TBC1D9B: variants seen among roughly 807,000 people sequenced by gnomAD.
TBC1D9B encodes the protein TBC1 domain family member 9B, also known as TBC1 domain family, member 9B (with GRAM domain).
A neutral mutation model predicts 121.1 loss-of-function variants in TBC1D9B; 87 were observed. The observed-to-expected ratio is 0.72, with a 90% confidence interval of 0.60 to 0.86. The LOEUF is 0.86. Ranked by LOEUF, TBC1D9B falls within the 40% of genes least tolerant of loss-of-function variation. TBC1D9B has a pLI of 0.00. For synonymous variants in TBC1D9B, 668 were observed against 670.1 expected (o/e 1.00, Z 0.05); for missense variants, 1,540 against 1,628.6 (o/e 0.95, Z 0.94).
chr5:179,889,063 G>A (rs1760781367), intron 6 of TBC1D9B, among the ~76,000 whole-genome samples: 1 of 151,064 alleles, frequency 6.6e-6, no homozygotes, highest in African/African-American at 2.4e-5. Flanking sequence ...ACGGAGTCTC[G>A]CTGTCGCCCA....
chr5:179,881,940 C>A (rs1234945223), intron 7 of TBC1D9B, among the ~76,000 whole-genome samples: 2 of 143,748 alleles, frequency 1.4e-5, no homozygotes, highest in Non-Finnish European at 2.9e-5. Context: ...TTTCCATATA[C>A]CTTCCGTTTT....
chr5:179,863,190 T>A lies in TBC1D9B; in HGVS notation c.*258A>T. ...CAGGTGCAGCTGGTGCGAGGCGGGC[T>A]CCCACCAGGTGTAAGGAAGGTGGGA... On this transcript the variant is annotated 3_prime_UTR_variant, in exon 21 of 21. Transcript: ENST00000355235. This position sits in a 1 kb window ranked among gnomAD's most constrained non-coding sequence, Gnocchi z 4.5. 2.0e-6 allele frequency: 1 copy of A among 497,938 alleles called. No homozygotes were observed. Among genetic ancestry groups the A allele is most frequent in the South Asian group, 3.0e-5 (1 of 33,548 alleles). 30.8% of individuals were successfully genotyped at this position (497,938 alleles called of 1,614,324 possible).
In TBC1D9B at chr5:179,862,546, G is replaced by A. The variant is rs974127811; in HGVS notation, c.*902C>T. The A allele has an allele frequency of 8.8e-6, 4 of 456,328 alleles. No homozygotes were observed. The highest frequency in any genetic ancestry group is 1.8e-5 in the Non-Finnish European group (4 of 226,910). The allele number at this position is 456,328 out of a possible 1,614,324, so 28.3% of individuals were successfully genotyped here. ...GCATCCCCTGATGCAGGTTGGTCAG[G>A]ACCTGCCCAGCTTGCACCAGCAGGT... On this transcript the variant is annotated 3_prime_UTR_variant, in exon 21 of 21. Transcript: ENST00000355235.
rs1458296085 is a variant in TBC1D9B at position 179,863,400 on chromosome 5, G to A, written c.*48C>T. ...GGGAGGAAAGGCAGGAGGAGATGAG[G>A]CCAGCCCCACTGATGACACCTTGGG... On this transcript the variant is annotated 3_prime_UTR_variant, in exon 21 of 21. Transcript: ENST00000355235. The surrounding 1 kb of genome is among the most constrained non-coding windows in gnomAD (Gnocchi z 4.5). 1.3e-6 allele frequency: 2 copies of A among 1,580,726 alleles called. No homozygotes were observed. Among genetic ancestry groups the A allele is most frequent in the Non-Finnish European group, 8.6e-7 (1 of 1,161,940 alleles).
Position 179,894,677 on chromosome 5 carries a change from G to A in TBC1D9B, c.349-63C>T. On this transcript the variant is annotated intron_variant, in intron 3 of 20. Coordinates refer to ENST00000355235, the MANE Select transcript of TBC1D9B (RefSeq NM_015043.4). ...AGTCCCGGACAGGTCAAAGGGTGGAGCAGAGAGGCCCAGGGAACCCAGGAC... is the reference window on the plus strand; with the variant it reads ...AGTCCCGGACAGGTCAAAGGGTGGAACAGAGAGGCCCAGGGAACCCAGGAC... The A allele has an allele frequency of 5.1e-6, 8 of 1,564,106 alleles. No individual in the cohort carries two copies. In the South Asian group the frequency reaches 6.8e-5, roughly 13 times the overall value.
chr5:179,888,197 A>G lies in TBC1D9B; in HGVS notation c.1160T>C (p.Val387Ala). 6.2e-7 allele frequency: 1 copy of G among 1,612,942 alleles called. No individual in the cohort carries two copies. The highest frequency in any genetic ancestry group is 8.5e-7 in the Non-Finnish European group (1 of 1,179,680). Residue 387 changes from valine to alanine, a missense_variant, in exon 7 of 21, where the codon GTG (valine) becomes GCG (alanine). Transcript: ENST00000355235. ...FANLKDRDFL[V>A]QRISDFLQKT... ...CTGGAGGAAGTCAGAGATCCTCTGC[A>G]CCAAGAAATCACGGTCTTTCAGGTT...
Position 179,907,830 on chromosome 5 carries a change from C to A in TBC1D9B, c.-9G>T. The A allele has an allele frequency of 1.8e-6, 2 of 1,141,584 alleles. No individual in the cohort carries two copies. The highest frequency in any genetic ancestry group is 1.7e-5 in the African/African-American group (1 of 60,264). The allele number at this position is 1,141,584 out of a possible 1,614,324, so 70.7% of individuals were successfully genotyped here. A position where few individuals can be genotyped will look rare whatever the true frequency, so the allele number is the denominator to read the frequency against. On this transcript the variant is annotated 5_prime_UTR_variant, in exon 1 of 21. Coordinates refer to ENST00000355235, the MANE Select transcript of TBC1D9B (RefSeq NM_015043.4). The surrounding 1 kb of genome is among the most constrained non-coding windows in gnomAD (Gnocchi z 5.3). ...TCCGGGCTCAGCCACATCGCGGAGC[C>A]GCTCGCACCGGGCCGAGGCCCGCGA...
Position 179,894,657 on chromosome 5 carries a change from C to T in TBC1D9B, c.349-43G>A, listed in dbSNP as rs17079780. 181,302 of 1,605,504 alleles carry T rather than the reference C, an allele frequency of 0.11. 11,537 individuals carry two copies. The highest frequency in any genetic ancestry group is 0.19 in the African/African-American group (13,946 of 74,730). On this transcript the variant is annotated intron_variant, in intron 3 of 20. Transcript: ENST00000355235. ...GACAAGGGCTTGCCCTGCACAGTCCCGGACAGGTCAAAGGGTGGAGCAGAG... is the reference window on the plus strand; with the variant it reads ...GACAAGGGCTTGCCCTGCACAGTCCTGGACAGGTCAAAGGGTGGAGCAGAG...
Position 179,870,433 on chromosome 5 carries a change from G to A in TBC1D9B, c.2547C>T (p.Pro849=), listed in dbSNP as rs1391937027. ...CSRTMAGRRD[P]SLPYLEQYRI... ...GGTACTGCTCCAGGTAGGGCAGGCT[G>A]GGGTCCCGACGGCCGGCCATTGTGC... The change falls in exon 16 of 21, where the codon CCC becomes CCT. Residue 849 remains proline (P), a synonymous_variant. Transcript: ENST00000355235. 1 of 1,613,386 alleles carries A rather than the reference G, an allele frequency of 6.2e-7. No homozygotes were observed. The highest frequency in any genetic ancestry group is 1.3e-5 in the African/African-American group (1 of 75,064).
rs1051367051 is a variant in TBC1D9B, at chr5:179,879,568, G to C, written c.1416+60C>G. ...AGGCCCAGGCCCAGGACTGGCTCCA[G>C]CTTTCCTCCTGAGGGCTCCGCTCTT... On this transcript the variant is annotated intron_variant, in intron 8 of 20. Transcript: ENST00000355235. 2.5e-6 allele frequency: 4 copies of C among 1,611,692 alleles called. No homozygotes were observed. The African/African-American group carries it at 5.3e-5, about 21-fold the overall frequency.
chr5:179,874,465 T>C lies in TBC1D9B; in HGVS notation c.2186+437A>G, dbSNP rs1760301057. Among the ~76,000 whole-genome samples the C allele has an allele frequency of 6.6e-6, 1 of 152,098 alleles. No homozygotes were observed. The highest frequency in any genetic ancestry group is 1.5e-5 in the Non-Finnish European group (1 of 67,988). Reference sequence around the variant, plus strand: ...CTAGTGGGACATCAGCTCATCCAGCTGTTCCAGCGGGCCCAGGGCAGGCCT... The same window carrying C: ...CTAGTGGGACATCAGCTCATCCAGCCGTTCCAGCGGGCCCAGGGCAGGCCT... On this transcript the variant is annotated intron_variant, in intron 12 of 20. Coordinates refer to ENST00000355235, the MANE Select transcript of TBC1D9B (RefSeq NM_015043.4). This position sits in a 1 kb window ranked among gnomAD's most constrained non-coding sequence, Gnocchi z 4.3.
In TBC1D9B at chr5:179,879,111, C is replaced by A; in HGVS notation, c.1503G>T (p.Thr501=). ...GGATACCCTTCAGGACCAGTGCCCG[C>A]GTCTTGGCTGTGCGGTACATGCACA... ...RGVCMYRTAK[T]RALVLKGIPE... The change falls in exon 9 of 21, where the codon ACG becomes ACT. Residue 501 remains threonine (T), a synonymous_variant. Coordinates refer to ENST00000355235, the MANE Select transcript of TBC1D9B (RefSeq NM_015043.4). The A allele has an allele frequency of 1.9e-6, 3 of 1,607,970 alleles. No homozygotes were observed. The highest frequency in any genetic ancestry group is 3.3e-4 in the Middle Eastern group (2 of 6,060).
At chr5:179,893,683 G>A (rs1396946658) in intron 4 of TBC1D9B, among the ~76,000 whole-genome samples, 2 of 152,104 alleles carry the variant, frequency 1.3e-5, no homozygotes, top group African/African-American at 4.8e-5. Context: ...CACGGTGAGT[G>A]TCTCCCCCAC....
chr5:179,893,817 C>A (rs1760941173), intron 4 of TBC1D9B, among the ~76,000 whole-genome samples: 1 of 152,040 alleles, frequency 6.6e-6, no homozygotes, highest in Non-Finnish European at 1.5e-5. Flanking sequence ...CAACACAGAA[C>A]AGGACACAGC....
Position 179,872,922 on chromosome 5 carries a change from C to T in TBC1D9B, c.2385G>A (p.Gln795=). 1 of 1,613,442 alleles carries T rather than the reference C, an allele frequency of 6.2e-7. No individual in the cohort carries two copies. Among genetic ancestry groups the T allele is most frequent in the Non-Finnish European group, 8.5e-7 (1 of 1,179,822 alleles). Residue 795 remains glutamine (Q), a synonymous_variant, in exon 14 of 21, where the codon CAG becomes CAA. Transcript: ENST00000355235. ...MRFKQRLKVI[Q]SLEDTAKRSV... The stretch of plus-strand genomic sequence containing the variant: ...TCCTCTTGGCCGTGTCCTCCAAGGA[C>T]TGGATCACTTTCAGCCTCTGTTTAA...
chr5:179,880,348 T>G (rs761319310), intron 7 of TBC1D9B, among the ~76,000 whole-genome samples: 3 of 152,244 alleles, frequency 2.0e-5, no homozygotes, highest in Non-Finnish European at 4.4e-5. Flanking sequence ...AGAGTGATGC[T>G]GTCTTGGCAG....
chr5:179,895,362 T>C (rs1760990109), intron 3 of TBC1D9B, among the ~76,000 whole-genome samples: 1 of 152,172 alleles, frequency 6.6e-6, no homozygotes, highest in Non-Finnish European at 1.5e-5. Context: ...GTTTTCCTCT[T>C]TCCCCCTTTA....
Position 179,891,557 on chromosome 5 carries a change from C to T in TBC1D9B, c.866G>A (p.Cys289Tyr). Residue 289 changes from cysteine to tyrosine, a missense_variant, in exon 6 of 21, where the codon TGC becomes TAC. Coordinates refer to ENST00000355235, the MANE Select transcript of TBC1D9B (RefSeq NM_015043.4). The surrounding 1 kb of genome is among the most constrained non-coding windows in gnomAD (Gnocchi z 4.3). Reference protein sequence around the residue: ...RDLDARAKNECYRATFRLPRD... With the variant: ...RDLDARAKNEYYRATFRLPRD... ...GGGCAGCCGGAACGTGGCTCGGTAGCACTCATTCTTGGCTCGGGCGTCCAG... is the reference window on the plus strand; with the variant it reads ...GGGCAGCCGGAACGTGGCTCGGTAGTACTCATTCTTGGCTCGGGCGTCCAG... 1 of 1,613,856 alleles carries T rather than the reference C, an allele frequency of 6.2e-7. No homozygotes were observed. Among genetic ancestry groups the T allele is most frequent in the South Asian group, 1.1e-5 (1 of 91,070 alleles).
At chr5:179,876,876 G>T (rs1360648173) in intron 10 of TBC1D9B, among the ~76,000 whole-genome samples, 1 of 151,988 alleles carries the variant, frequency 6.6e-6, no homozygotes. Context: ...TTCAAGACCA[G>T]CCTGGGCCAC....
Sources: gnomAD v4.1 joint callset for allele counts (sites outside exome capture counted in the v4.1 genomes callset) on GRCh38, gnomAD v4.1.1 for gene constraint, Gnocchi (gnomAD v3.1) non-coding constraint, MANE v1.5 for transcripts, NCBI Gene and HGNC (gene_info 2026-07-23, HGNC 2026-07-21) for gene names.